The following PCDH15 variants were observed in gnomAD, a reference collection of about 807,000 sequenced individuals.
PCDH15 encodes the protein protocadherin-15.
PCDH15 carries 129 observed loss-of-function variants against 178.5 expected under a neutral mutation model. That is an observed-to-expected ratio of 0.72 (90% CI 0.63 to 0.84). PCDH15 has a LOEUF of 0.84. Ranked by LOEUF, PCDH15 falls within the 40% of genes least tolerant of loss-of-function variation. PCDH15 has a pLI of 0.00. For missense variants in PCDH15, 2,230 were observed against 2,099.9 expected (o/e 1.06, Z -1.21); for synonymous variants, 800 against 732.0 (o/e 1.09, Z -1.50).
chr10:53,936,437 C>T (rs1039309087), intron 25 of PCDH15, among the ~76,000 whole-genome samples: 1 of 151,916 alleles, frequency 6.6e-6, no homozygotes, highest in African/African-American at 2.4e-5. Flanking sequence ...TGACTCTGAC[C>T]TGCTTCAAAA....
chr10:55,035,162 ACT>A (rs535947270), intron 2 of PCDH15, among the ~76,000 whole-genome samples: 2 of 152,164 alleles, frequency 1.3e-5, no homozygotes, highest in Non-Finnish European at 2.9e-5. Context: ...TTTAAAAAGA[ACT>A]CTGATCTTCA....
At chr10:55,265,354 G>C (rs1233019113) in intron 1 of PCDH15, among the ~76,000 whole-genome samples, 1 of 145,182 alleles carries the variant, frequency 6.9e-6, no homozygotes, top group Non-Finnish European at 1.5e-5. Flanking sequence ...CTCTATAATA[G>C]ATATAGGGAT....
chr10:55,586,243 T>C (rs1204102187), intron 2 of PCDH15, among the ~76,000 whole-genome samples: 1 of 152,080 alleles, frequency 6.6e-6, no homozygotes, highest in Non-Finnish European at 1.5e-5. Flanking sequence ...AGCTGGTTTT[T>C]AAACTCTCAT....
chr10:55,404,714 C>T (rs1177578948), intron 2 of PCDH15, among the ~76,000 whole-genome samples: 1 of 151,742 alleles, frequency 6.6e-6, no homozygotes, highest in Non-Finnish European at 1.5e-5. Flanking sequence ...ATATGTTTAA[C>T]ATTTGAATGT....
At chr10:55,362,661 T>C (rs1845258006) in intron 2 of PCDH15, among the ~76,000 whole-genome samples, 1 of 152,066 alleles carries the variant, frequency 6.6e-6, no homozygotes, top group African/African-American at 2.4e-5. Flanking sequence ...TGTGTGTGTG[T>C]GCACATGCAT....
chr10:55,556,765 C>G lies in PCDH15; in HGVS notation c.-156+70860G>C, dbSNP rs1281793454. On this transcript the variant is annotated intron_variant, in intron 2 of 5. Coordinates refer to the PCDH15 transcript ENST00000613346. ...CTGAGGCAGGAGAATCGCTTGGACC[C>G]GGGAGGCAAATTATGAAGTGAGCCT... 2.6e-5 allele frequency among the ~76,000 whole-genome samples: 4 copies of G among 152,242 alleles called. No homozygotes were observed. The South Asian group carries it at 8.3e-4, about 32-fold the overall frequency.
At chr10:54,360,511 T>A (rs1399619899) in intron 5 of PCDH15, among the ~76,000 whole-genome samples, 1 of 152,082 alleles carries the variant, frequency 6.6e-6, no homozygotes, top group Non-Finnish European at 1.5e-5. Flanking sequence ...GAGCTAACTA[T>A]TATGCATGTA....
At chr10:55,485,233 A>C (rs779642833) in intron 2 of PCDH15, among the ~76,000 whole-genome samples, 2 of 151,734 alleles carry the variant, frequency 1.3e-5, no homozygotes, top group Non-Finnish European at 2.9e-5. Flanking sequence ...AGATCTGAAT[A>C]GATATTTTTC....
At chr10:55,406,832 A>T (rs1169594779) in intron 2 of PCDH15, among the ~76,000 whole-genome samples, 1 of 152,212 alleles carries the variant, frequency 6.6e-6, no homozygotes. Flanking sequence ...ACACGATCCT[A>T]TGATACTTCA....
chr10:55,150,706 G>A (rs1045673134), intron 2 of PCDH15, among the ~76,000 whole-genome samples: 2 of 151,952 alleles, frequency 1.3e-5, no homozygotes, highest in East Asian at 1.9e-4. Flanking sequence ...ACTCCTTGAC[G>A]GTAGAGATAT....
chr10:55,622,038 AAT>A (rs989218709), intron 2 of PCDH15, among the ~76,000 whole-genome samples: 36 of 139,942 alleles, frequency 2.6e-4, no homozygotes, highest in Middle Eastern at 3.6e-3. Flanking sequence ...ATGTATATAT[AAT>A]ATATATATAA....
chr10:53,853,168 G>C (rs958706357), intron 28 of PCDH15, among the ~76,000 whole-genome samples: 14 of 151,420 alleles, frequency 9.2e-5, no homozygotes, highest in African/African-American at 3.4e-4. Flanking sequence ...AGACATGGAA[G>C]GGACAATTTC....
intron 16 of PCDH15, among the ~76,000 whole-genome samples, chr10:54,089,148 G>T (rs887717728): frequency 1.3e-5 from 2 of 152,154 alleles, no homozygotes; most frequent in Admixed American, 1.3e-4. Context: ...AGGTATTTCT[G>T]GGAAGACTAA....
intron 28 of PCDH15, among the ~76,000 whole-genome samples, chr10:53,849,860 C>CAAA (rs58458871): frequency 2.3e-3 from 121 of 52,660 alleles, no homozygotes; most frequent in African/African-American, 3.0e-3. Flanking sequence ...GGCTCCGTCT[C>CAAA]AAAAAAAAAA....
At chr10:55,128,653 AT>A in intron 2 of PCDH15, among the ~76,000 whole-genome samples, 1 of 152,130 alleles carries the variant, frequency 6.6e-6, no homozygotes, top group Non-Finnish European at 1.5e-5. Flanking sequence ...TTATTCAGAA[AT>A]TTTCCTTGCC....
chr10:55,263,142 G>A (rs1564945467), intron 1 of PCDH15, among the ~76,000 whole-genome samples: 1 of 151,822 alleles, frequency 6.6e-6, no homozygotes, highest in East Asian at 1.9e-4. Context: ...AGTCTCTGTT[G>A]TAAAACCCTG....
At chr10:54,152,510 A>G (rs1457669706) in intron 14 of PCDH15, among the ~76,000 whole-genome samples, 5 of 152,046 alleles carry the variant, frequency 3.3e-5, no homozygotes, top group South Asian at 2.1e-4. Context: ...TCCAGGATAC[A>G]TTCATTGTGA....
At chr10:54,856,309 C>T (rs187456899) in intron 3 of PCDH15, among the ~76,000 whole-genome samples, 49 of 152,206 alleles carry the variant, frequency 3.2e-4, no homozygotes, top group Non-Finnish European at 6.6e-4. Flanking sequence ...GGGGCAGAGG[C>T]TTCAGACATC....
At chr10:54,032,572 A>T (rs191998085) in intron 18 of PCDH15, among the ~76,000 whole-genome samples, 18 of 152,162 alleles carry the variant, frequency 1.2e-4, no homozygotes, top group Admixed American at 1.0e-3. Flanking sequence ...TAGTATTTAT[A>T]ATTTTGTCTT....
Sources: gnomAD v4.1 joint callset for allele counts (sites outside exome capture counted in the v4.1 genomes callset) on GRCh38, gnomAD v4.1.1 for gene constraint, MANE v1.5 for transcripts, NCBI Gene and HGNC (gene_info 2026-07-23, HGNC 2026-07-21) for gene names.